ZNF469: variants seen among roughly 807,000 people sequenced by gnomAD.
The protein encoded by ZNF469 is zinc finger protein 469.
Under a neutral mutation model 1.0 loss-of-function variants are expected in ZNF469, and 1 was observed. The observed-to-expected ratio is 1.00, with a 90% CI of 0.35 to 4.73. ZNF469 has a LOEUF of 4.73. Ranked by LOEUF, ZNF469 falls within the 30% of genes most tolerant of loss-of-function variation. The probability of loss-of-function intolerance (pLI) is 0.16; values close to 1 mark genes in which losing one functional copy is unlikely to be tolerated. For missense variants in ZNF469, 6,100 were observed against 5,356.3 expected, an observed-to-expected ratio of 1.14 and a Z score of -4.33; for synonymous variants, 2,703 against 2,363.4, an observed-to-expected ratio of 1.14 and a Z score of -4.17.
the ZNF469 span, among the ~76,000 whole-genome samples, chr16:88,183,507 A>G: frequency 6.6e-6 from 1 of 152,204 alleles, no homozygotes; most frequent in African/African-American, 2.4e-5. Flanking sequence ...GCCTGCTGCG[A>G]AGTGAAGGAA....
the ZNF469 span, among the ~76,000 whole-genome samples, chr16:88,373,481 G>T: frequency 6.6e-6 from 1 of 152,172 alleles, no homozygotes; most frequent in Non-Finnish European, 1.5e-5. Flanking sequence ...AAGTCCCCTT[G>T]GGAGATCTGG....
chr16:88,124,677 C>T, the ZNF469 span, among the ~76,000 whole-genome samples: 7 of 152,216 alleles, frequency 4.6e-5, no homozygotes, highest in African/African-American at 1.2e-4. Flanking sequence ...CTCTGCCTCC[C>T]GGGTTCAAGC....
chr16:88,357,632 G>C, the ZNF469 span, among the ~76,000 whole-genome samples: 1 of 152,214 alleles, frequency 6.6e-6, no homozygotes, highest in East Asian at 1.9e-4. Flanking sequence ...GAAGAGGGGG[G>C]GCCCGGGCTT....
upstream of ZNF469, among the ~76,000 whole-genome samples, chr16:88,382,812 G>C (rs1271883096): frequency 1.3e-5 from 2 of 152,174 alleles, no homozygotes; most frequent in Admixed American, 6.5e-5. Context: ...TGAAGAGGGG[G>C]TTCAGGGAGC....
the ZNF469 span, among the ~76,000 whole-genome samples, chr16:88,161,337 A>G: frequency 6.6e-6 from 1 of 152,202 alleles, no homozygotes; most frequent in Admixed American, 6.5e-5. Context: ...GCGACGATCT[A>G]TGGGGCGGAA....
At chr16:88,395,019 G>A (rs1904613713) in intron 1 of ZNF469, among the ~76,000 whole-genome samples, 1 of 152,226 alleles carries the variant, frequency 6.6e-6, no homozygotes, top group Admixed American at 6.5e-5. Context: ...TTGCTGCCAT[G>A]TCTTGGCCAG....
chr16:88,284,352 T>C, the ZNF469 span, among the ~76,000 whole-genome samples: 2 of 152,286 alleles, frequency 1.3e-5, no homozygotes, highest in Middle Eastern at 3.4e-3. Flanking sequence ...CTGAAGTGGA[T>C]GGTCTCTTCG....
In ZNF469 at chr16:88,436,183, C is replaced by T; in HGVS notation, c.8713C>T (p.Pro2905Ser). The change falls in exon 3 of 3, where the codon CCA (proline) becomes TCA (serine). Residue 2905 changes from proline to serine, a missense_variant. Transcript: ENST00000565624. ...FEEGGDPTLG[P>S]ARLPTDLSDS... is the part of the protein sequence containing the mutation. Reference sequence around the variant, plus strand: ...GGAGGGCGGTGACCCCACGCTGGGCCCAGCCCGCCTGCCCACGGACCTCAG... The same window carrying T: ...GGAGGGCGGTGACCCCACGCTGGGCTCAGCCCGCCTGCCCACGGACCTCAG... 1 of 1,547,760 alleles carries T rather than the reference C, an allele frequency of 6.5e-7. No homozygotes were observed. Among genetic ancestry groups the T allele is most frequent in the Non-Finnish European group, 8.7e-7 (1 of 1,146,914 alleles).
the ZNF469 span, among the ~76,000 whole-genome samples, chr16:88,371,654 C>T: frequency 1.3e-5 from 2 of 152,196 alleles, no homozygotes; most frequent in African/African-American, 4.8e-5. Context: ...GAGAATTTAG[C>T]ATTCCTTGTT....
the ZNF469 span, among the ~76,000 whole-genome samples, chr16:88,156,643 G>T: frequency 6.6e-6 from 1 of 152,226 alleles, no homozygotes; most frequent in African/African-American, 2.4e-5. Context: ...ATAATTCACA[G>T]GAGGGATGTC....
chr16:88,142,373 A>C, the ZNF469 span, among the ~76,000 whole-genome samples: 1,831 of 152,328 alleles, frequency 0.012, 27 homozygotes, highest in African/African-American at 0.033. Flanking sequence ...CAGGCTGGGC[A>C]GATGATGTTG....
At chr16:88,210,537 C>T in the ZNF469 span, among the ~76,000 whole-genome samples, 1 of 152,342 alleles carries the variant, frequency 6.6e-6, no homozygotes, top group South Asian at 2.1e-4. Flanking sequence ...ACATTTCCTT[C>T]TAGCATTTGT....
chr16:88,170,722 G>A, the ZNF469 span, among the ~76,000 whole-genome samples: 1 of 152,182 alleles, frequency 6.6e-6, no homozygotes, highest in Non-Finnish European at 1.5e-5. This position sits in a 1 kb window ranked among gnomAD's most constrained non-coding sequence, Gnocchi z 4.2. Flanking sequence ...TGGCTGTTGT[G>A]AGCAGGGCCG....
intron 1 of ZNF469, among the ~76,000 whole-genome samples, chr16:88,413,177 C>T (rs1315355690): frequency 6.6e-6 from 1 of 152,240 alleles, no homozygotes; most frequent in Admixed American, 6.5e-5. Context: ...CCCGCACGCA[C>T]GTGATAAATG....
At chr16:88,355,616 C>G in the ZNF469 span, among the ~76,000 whole-genome samples, 1 of 152,190 alleles carries the variant, frequency 6.6e-6, no homozygotes, top group South Asian at 2.1e-4. Context: ...TGTGAGTCCA[C>G]AGGCAGCAGT....
chr16:88,334,981 C>T, the ZNF469 span, among the ~76,000 whole-genome samples: 67 of 151,924 alleles, frequency 4.4e-4, no homozygotes, highest in African/African-American at 1.6e-3. Flanking sequence ...GAGGGGGAGC[C>T]GTGTGGGAAG....
chr16:88,434,808 G>C lies in ZNF469; in HGVS notation c.7338G>C (p.Gln2446His), dbSNP rs1477736774. 2 of 1,550,228 alleles carry C rather than the reference G, an allele frequency of 1.3e-6. No individual in the cohort carries two copies. Among genetic ancestry groups the C allele is most frequent in the African/African-American group, 2.7e-5 (2 of 73,052 alleles). The change falls in exon 3 of 3, where the codon CAG (glutamine) becomes CAC (histidine). Residue 2446 changes from glutamine (Q) to histidine (H), a missense_variant. Physicochemically the swap from Gln to His is conservative, Grantham distance 24 (BLOSUM62 0). Transcript: ENST00000565624. The part of the protein sequence containing the change: ...GDPLGPQDLK[Q>H]RSRGYKKKPA... ...CCCTCGGCCCCCAAGACCTCAAACA[G>C]AGGTCCCGTGGCTATAAAAAGAAGC...
At chr16:88,343,433 C>T in the ZNF469 span, among the ~76,000 whole-genome samples, 4 of 152,234 alleles carry the variant, frequency 2.6e-5, no homozygotes, top group Non-Finnish European at 2.9e-5. Context: ...CGCCCGCCCA[C>T]ATGCAGCCTG....
At chr16:88,218,583 A>T in the ZNF469 span, among the ~76,000 whole-genome samples, 1 of 151,720 alleles carries the variant, frequency 6.6e-6, no homozygotes, top group Non-Finnish European at 1.5e-5. Context: ...CATGCTAAAA[A>T]CTCTCAATAA....
Sources: gnomAD v4.1 joint callset for allele counts (sites outside exome capture counted in the v4.1 genomes callset) on GRCh38, gnomAD v4.1.1 for gene constraint, Gnocchi (gnomAD v3.1) non-coding constraint, MANE v1.5 for transcripts, NCBI Gene and HGNC (gene_info 2026-07-23, HGNC 2026-07-21) for gene names.